The following NR6A1 variants were observed in gnomAD, a reference collection of about 807,000 sequenced individuals.
The protein encoded by NR6A1 is nuclear receptor subfamily 6 group A member 1.
A neutral mutation model predicts 59.1 loss-of-function variants in NR6A1; 7 were observed. That is an observed-to-expected ratio of 0.12 (90% CI 0.07 to 0.22). The LOEUF (loss-of-function observed/expected upper bound fraction) is 0.22, where lower values mean the gene tolerates loss of function less well. Ranked by LOEUF, NR6A1 falls within the 10% of genes least tolerant of loss-of-function variation. The pLI is 1.00. For synonymous variants in NR6A1, 243 were observed against 236.1 expected, an observed-to-expected ratio of 1.03 and a Z score of -0.27; for missense variants, 468 against 611.6, an observed-to-expected ratio of 0.77 and a Z score of 2.48.
At chr9:124,653,890 A>C (rs1456511868) in intron 2 of NR6A1, among the ~76,000 whole-genome samples, 1 of 152,234 alleles carries the variant, frequency 6.6e-6, no homozygotes, top group Non-Finnish European at 1.5e-5. Flanking sequence ...ATTATTAACC[A>C]AACAGTCAGC....
Position 124,768,804 on chromosome 9 carries a change from CTA to C in NR6A1, c.100+2214_100+2215del, listed in dbSNP as rs572606534. On this transcript the variant is annotated intron_variant, in intron 1 of 9. Transcript: ENST00000487099. ...CAGTTCTTAGGTTTCTCTTACAACA[CTA>C]TTATTCTCAAGTAGAATTGAAAGCA... is the stretch of plus-strand genomic sequence containing the variant. 4.9e-3 allele frequency among the ~76,000 whole-genome samples: 740 copies of C among 152,248 alleles called. 7 individuals carry two copies. The highest frequency in any genetic ancestry group is 0.017 in the African/African-American group (715 of 41,526).
At chr9:124,591,883 G>T (rs1232326425) in intron 2 of NR6A1, among the ~76,000 whole-genome samples, 1 of 152,028 alleles carries the variant, frequency 6.6e-6, no homozygotes, top group African/African-American at 2.4e-5. Context: ...TTTAGGAAAT[G>T]ACTTTTCACA....
At chr9:124,601,044 G>C (rs1469014700) in intron 2 of NR6A1, among the ~76,000 whole-genome samples, 1 of 151,870 alleles carries the variant, frequency 6.6e-6, no homozygotes, top group Non-Finnish European at 1.5e-5. Flanking sequence ...GGGAGGCCAA[G>C]GCGGGTGGAT....
chr9:124,636,745 CT>C (rs1836621530), intron 2 of NR6A1, among the ~76,000 whole-genome samples: 2 of 152,138 alleles, frequency 1.3e-5, no homozygotes, highest in Admixed American at 1.3e-4. Flanking sequence ...GGATCTAATT[CT>C]AGGCTGTCTA....
chr9:124,750,653 G>A (rs1391108516), intron 1 of NR6A1, among the ~76,000 whole-genome samples: 11 of 151,910 alleles, frequency 7.2e-5, no homozygotes, highest in African/African-American at 1.5e-4. Context: ...CCAGCTACTC[G>A]GGAGGCTGAG....
chr9:124,684,668 T>C (rs1303896162), intron 2 of NR6A1, among the ~76,000 whole-genome samples: 1 of 152,186 alleles, frequency 6.6e-6, no homozygotes, highest in Non-Finnish European at 1.5e-5. Flanking sequence ...GCCTCTTCCA[T>C]CCAGTGGTAG....
chr9:124,720,806 G>A (rs1402685723), intron 2 of NR6A1, among the ~76,000 whole-genome samples: 1 of 152,120 alleles, frequency 6.6e-6, no homozygotes, highest in African/African-American at 2.4e-5. Context: ...GTAAAACTAT[G>A]TACAACTTTG....
In NR6A1 at chr9:124,570,389, C is replaced by T. The variant is rs556647352; in HGVS notation, c.143-15819G>A. Among the ~76,000 whole-genome samples the T allele has an allele frequency of 2.0e-5, 3 of 152,234 alleles. No individual in the cohort carries two copies. In the South Asian group the frequency reaches 6.2e-4, roughly 32 times the overall value. On this transcript the variant is annotated intron_variant, in intron 2 of 9. Coordinates refer to ENST00000487099, the MANE Select transcript of NR6A1 (RefSeq NM_033334.4). The stretch of plus-strand genomic sequence containing the variant: ...CCTGTCTTTGATACTTTTTGGTTTA[C>T]ACTAGAAGAAAAAATGAGAAAAAGA...
intron 2 of NR6A1, among the ~76,000 whole-genome samples, chr9:124,615,883 G>A (rs1261034274): frequency 6.6e-6 from 1 of 151,950 alleles, no homozygotes; most frequent in Non-Finnish European, 1.5e-5. Flanking sequence ...AGCCCAGGCT[G>A]CAGTGCAGTG....
intron 7 of NR6A1, among the ~76,000 whole-genome samples, chr9:124,531,853 ACT>A (rs1008687436): frequency 3.3e-5 from 5 of 151,748 alleles, no homozygotes; most frequent in Non-Finnish European, 7.4e-5. Context: ...TTTGTGCTCC[ACT>A]CTCTGTCTCC....
At chr9:124,730,238 GTTTGTT>G (rs1410280193) in intron 2 of NR6A1, among the ~76,000 whole-genome samples, 1 of 152,038 alleles carries the variant, frequency 6.6e-6, no homozygotes, top group Non-Finnish European at 1.5e-5. Context: ...AAATTTTTTG[GTTTGTT>G]TTTGAGACAG....
chr9:124,593,749 A>G (rs1835194912), intron 2 of NR6A1, among the ~76,000 whole-genome samples: 1 of 152,180 alleles, frequency 6.6e-6, no homozygotes, highest in Non-Finnish European at 1.5e-5. Flanking sequence ...GGCTGTGCAC[A>G]AGGGCTGCAT....
In NR6A1 at chr9:124,538,456, T is replaced by C. The variant is rs140895574; in HGVS notation, c.597-137A>G. 10 of 634,368 alleles carry C rather than the reference T, an allele frequency of 1.6e-5. No homozygotes were observed. The East Asian group carries it at 2.7e-4, about 17-fold the overall frequency. The allele number at this position is 634,368 out of a possible 1,614,324, so 39.3% of individuals were successfully genotyped here. The stretch of plus-strand genomic sequence containing the variant: ...TCATCAAGCCAGGGGGCATAATTAA[T>C]AGTTAAATTCATGTCTCTCCTACTA... On this transcript the variant is annotated intron_variant, in intron 5 of 9. Transcript: ENST00000487099.
chr9:124,601,835 A>AAGCCCAAGCTATCCT (rs895468488), intron 2 of NR6A1, among the ~76,000 whole-genome samples: 6 of 151,578 alleles, frequency 4.0e-5, no homozygotes, highest in African/African-American at 1.5e-4. Flanking sequence ...CACACGCCTG[A>AAGCCCAAGCTATCCT]AGCCCAAGCT....
intron 2 of NR6A1, among the ~76,000 whole-genome samples, chr9:124,591,773 G>C (rs953607315): frequency 7.2e-5 from 11 of 152,098 alleles, no homozygotes; most frequent in African/African-American, 2.7e-4. Context: ...GCTGTGCAGT[G>C]TGAACACCTC....
chr9:124,611,838 C>A (rs1462187844), intron 2 of NR6A1, among the ~76,000 whole-genome samples: 1 of 150,944 alleles, frequency 6.6e-6, no homozygotes, highest in Non-Finnish European at 1.5e-5. Flanking sequence ...CTGAGCAATT[C>A]CCATTCTGTG....
At chr9:124,617,867 A>G (rs556153065) in intron 2 of NR6A1, among the ~76,000 whole-genome samples, 1 of 152,264 alleles carries the variant, frequency 6.6e-6, no homozygotes, top group African/African-American at 2.4e-5. Flanking sequence ...CCTAACACTC[A>G]GTGTCCTTGA....
intron 6 of NR6A1, 40 bp downstream of exon 6, chr9:124,538,052 T>G (rs1261789544): frequency 2.6e-6 from 4 of 1,549,664 alleles, no homozygotes; most frequent in Non-Finnish European, 3.5e-6. Context: ...TAGGGACACT[T>G]TGAGACTGCA....
At chr9:124,680,607 C>T (rs1838120041) in intron 2 of NR6A1, among the ~76,000 whole-genome samples, 1 of 152,130 alleles carries the variant, frequency 6.6e-6, no homozygotes, top group African/African-American at 2.4e-5. Context: ...TATGGTAAAG[C>T]TCCAGGGGGA....
Sources: gnomAD v4.1 joint callset for allele counts (sites outside exome capture counted in the v4.1 genomes callset) on GRCh38, gnomAD v4.1.1 for gene constraint, MANE v1.5 for transcripts, NCBI Gene and HGNC (gene_info 2026-07-23, HGNC 2026-07-21) for gene names.